Variants in CHD1L observed in about 807,000 individuals in gnomAD.
CHD1L encodes chromodomain helicase DNA binding protein 1 like.
Under a neutral mutation model 115.9 loss-of-function variants are expected in CHD1L, and 118 were observed. The observed-to-expected ratio is 1.02, with a 90% CI of 0.88 to 1.19. The LOEUF is 1.19. CHD1L is among the 50% of genes most tolerant of loss of function. The pLI is 0.00. For missense variants in CHD1L, 1,179 were observed against 1,065.3 expected, an observed-to-expected ratio of 1.11 and a Z score of -1.49; for synonymous variants, 411 against 387.1, an observed-to-expected ratio of 1.06 and a Z score of -0.72.
chr1:147,256,423 T>G, intron 4 of CHD1L, 108 bp from the exon 5 acceptor site: 1 of 977,242 alleles, frequency 1.0e-6, no homozygotes, highest in East Asian at 2.4e-5. Context: ...AGTGAACAAA[T>G]GAGACTTAGA....
At chr1:147,241,082 T>C (rs1475458821), upstream of CHD1L, among the ~76,000 whole-genome samples, 1 of 152,148 alleles carries the variant, frequency 6.6e-6, no homozygotes, top group Non-Finnish European at 1.5e-5. Context: ...CTGATTTTTA[T>C]TTATTGCTTG....
intron 1 of CHD1L, among the ~76,000 whole-genome samples, chr1:147,243,742 G>T (rs1355902865): frequency 6.6e-6 from 1 of 152,178 alleles, no homozygotes; most frequent in Non-Finnish European, 1.5e-5. Flanking sequence ...TACTGGGAGC[G>T]TATTCTTAGG....
intron 14 of CHD1L, 26 bp downstream of exon 14, chr1:147,276,283 C>G (rs782386082): frequency 6.2e-7 from 1 of 1,612,686 alleles, no homozygotes; most frequent in Non-Finnish European, 8.5e-7. Flanking sequence ...CTGTTCTTCA[C>G]TTTGGAATAT....
intron 14 of CHD1L, among the ~76,000 whole-genome samples, chr1:147,279,212 T>G (rs1336678414): frequency 1.3e-5 from 2 of 152,176 alleles, no homozygotes; most frequent in African/African-American, 4.8e-5. Context: ...ATAGACGATC[T>G]GGAGATAACC....
chr1:147,195,954 A>AC, the CHD1L span, among the ~76,000 whole-genome samples: 4 of 151,874 alleles, frequency 2.6e-5, no homozygotes, highest in African/African-American at 9.7e-5. Context: ...GTTTTTATTG[A>AC]CCCCAAGATC....
chr1:147,246,931 GT>G (rs1666807751), intron 1 of CHD1L, among the ~76,000 whole-genome samples: 1 of 152,124 alleles, frequency 6.6e-6, no homozygotes, highest in African/African-American at 2.4e-5. Flanking sequence ...ATCCTAAAGA[GT>G]TTTTTCCTAA....
intron 12 of CHD1L, among the ~76,000 whole-genome samples, chr1:147,272,902 G>GAAAA (rs1553954457): frequency 1.1e-4 from 1 of 8,810 alleles, no homozygotes; most frequent in African/African-American, 6.0e-4. Context: ...TGTGGTGTCT[G>GAAAA]GAAAAAAAAA....
At chr1:147,232,920 C>A in the CHD1L span, among the ~76,000 whole-genome samples, 5 of 152,176 alleles carry the variant, frequency 3.3e-5, no homozygotes, top group Admixed American at 2.6e-4. Context: ...CTGGCCGCCA[C>A]CCCATCTGGG....
At chr1:147,257,475 A>G (rs587771294) in intron 5 of CHD1L, among the ~76,000 whole-genome samples, 6 of 152,226 alleles carry the variant, frequency 3.9e-5, no homozygotes, top group Non-Finnish European at 7.4e-5. Flanking sequence ...TCAACTTAAT[A>G]TTTGTTGAAA....
the CHD1L span, chr1:147,186,601 A>T: frequency 2.7e-6 from 3 of 1,093,686 alleles, no homozygotes; most frequent in African/African-American, 5.1e-5. Flanking sequence ...TTTATTAAGC[A>T]CCTACCACAT....
chr1:147,199,540 A>G, the CHD1L span, among the ~76,000 whole-genome samples: 3 of 152,042 alleles, frequency 2.0e-5, no homozygotes, highest in Admixed American at 2.0e-4. Flanking sequence ...GCAAATACTC[A>G]TTTTCTCTAT....
chr1:147,274,835 A>G (rs1209379261), intron 12 of CHD1L, among the ~76,000 whole-genome samples: 1 of 152,144 alleles, frequency 6.6e-6, no homozygotes, highest in South Asian at 2.1e-4. Flanking sequence ...CAGAGGGAGG[A>G]GGTTTCCCAC....
At chr1:147,238,935 A>T (rs906423587), upstream of CHD1L, among the ~76,000 whole-genome samples, 1 of 152,170 alleles carries the variant, frequency 6.6e-6, no homozygotes, top group African/African-American at 2.4e-5. Flanking sequence ...TTTCACTGGC[A>T]GCCCCTTCCT....
the CHD1L span, among the ~76,000 whole-genome samples, chr1:147,190,860 A>G: frequency 6.6e-6 from 1 of 151,316 alleles, no homozygotes; most frequent in Non-Finnish European, 1.5e-5. Flanking sequence ...CAGTCCCTGG[A>G]GTGTGATGTT....
At chr1:147,232,839 C>T in the CHD1L span, among the ~76,000 whole-genome samples, 4 of 152,286 alleles carry the variant, frequency 2.6e-5, no homozygotes, top group African/African-American at 7.2e-5. Flanking sequence ...GGCGTGATCT[C>T]GGCTCGCTAC....
the CHD1L span, chr1:147,178,587 T>G: frequency 1.2e-6 from 2 of 1,606,400 alleles, no homozygotes; most frequent in Non-Finnish European, 1.7e-6. Flanking sequence ...CTATAGTAGG[T>G]TTTTTCGATG....
upstream of CHD1L, among the ~76,000 whole-genome samples, chr1:147,239,045 G>A (rs587665630): frequency 1.3e-5 from 2 of 152,218 alleles, no homozygotes; most frequent in South Asian, 2.1e-4. Context: ...CCAGGAATTC[G>A]TCCAATTGAT....
intron 19 of CHD1L, among the ~76,000 whole-genome samples, chr1:147,288,339 A>AAAAAAG (rs1684165193): frequency 2.3e-3 from 62 of 26,882 alleles, no homozygotes; most frequent in Non-Finnish European, 2.2e-3. Context: ...AAAAAAAAAA[A>AAAAAAG]AAAAAAAGAA....
intron 9 of CHD1L, among the ~76,000 whole-genome samples, chr1:147,267,809 A>G (rs587757007): frequency 6.6e-6 from 1 of 152,304 alleles, no homozygotes; most frequent in Admixed American, 6.5e-5. Flanking sequence ...TAATCTAGAA[A>G]CATTCTTCAG....
Sources: gnomAD v4.1 joint callset for allele counts (sites outside exome capture counted in the v4.1 genomes callset) on GRCh38, gnomAD v4.1.1 for gene constraint, MANE v1.5 for transcripts, NCBI Gene and HGNC (gene_info 2026-07-23, HGNC 2026-07-21) for gene names.